The following SNX29 variants were observed in gnomAD, a reference collection of about 807,000 sequenced individuals.
The protein encoded by SNX29 is sorting nexin 29.
SNX29 carries 78 observed loss-of-function variants against 102.1 expected under a neutral mutation model. The ratio of observed to expected loss-of-function variants is 0.76; its 90% CI spans 0.64 to 0.92. SNX29 has a LOEUF of 0.92. Ranked by LOEUF, SNX29 falls within the 40% of genes least tolerant of loss-of-function variation. The pLI is 0.00. For missense variants in SNX29, 1,280 were observed against 1,061.7 expected (o/e 1.21, Z -2.86); for synonymous variants, 580 against 414.5 (o/e 1.40, Z -4.85).
At chr16:12,563,458 C>T (rs558285539) in intron 20 of SNX29, among the ~76,000 whole-genome samples, 60 of 152,288 alleles carry the variant, frequency 3.9e-4, no homozygotes, top group Non-Finnish European at 7.1e-4. Context: ...TTTAGGAAAC[C>T]TAATAGGGTA....
At chr16:12,389,960 A>G (rs554552895) in intron 16 of SNX29, among the ~76,000 whole-genome samples, 5 of 152,344 alleles carry the variant, frequency 3.3e-5, no homozygotes, top group African/African-American at 1.2e-4. Flanking sequence ...TCATTGCAGT[A>G]GGTCTGAGTG....
rs35339898 is a variant in SNX29, at chr16:12,570,919, T to TGGA, written c.*2291_*2292insGAG. ...AAAAAACCTGGTCTGCTCTCCAAAA[T>TGGA]GAGAGCATGTTCCTGGGAGCCACAT... is the stretch of plus-strand genomic sequence containing the variant. On this transcript the variant is annotated 3_prime_UTR_variant, in exon 21 of 21. Coordinates refer to ENST00000566228, the MANE Select transcript of SNX29 (RefSeq NM_032167.5). 4.3e-6 allele frequency: 1 copy of TGGA among 231,644 alleles called. No homozygotes were observed. Among genetic ancestry groups the TGGA allele is most frequent in the Non-Finnish European group, 8.5e-6 (1 of 117,240 alleles). 14.3% of individuals were successfully genotyped at this position (231,644 alleles called of 1,614,324 possible).
chr16:12,548,423 C>T (rs926726814), intron 20 of SNX29, among the ~76,000 whole-genome samples: 1 of 152,232 alleles, frequency 6.6e-6, no homozygotes, highest in Non-Finnish European at 1.5e-5. Flanking sequence ...TGGCTCCCCA[C>T]TGTGCCACAT....
intron 14 of SNX29, among the ~76,000 whole-genome samples, chr16:12,205,920 A>G (rs982097793): frequency 6.6e-6 from 1 of 152,250 alleles, no homozygotes; most frequent in African/African-American, 2.4e-5. Flanking sequence ...ATAAATGAAT[A>G]TAAATAAAAT....
chr16:12,141,485 G>C (rs878956280), intron 13 of SNX29, among the ~76,000 whole-genome samples: 1 of 152,194 alleles, frequency 6.6e-6, no homozygotes. Context: ...GCAAAAGAAG[G>C]GCTACTCCGC....
At chr16:12,374,164 G>A (rs913372759) in intron 16 of SNX29, among the ~76,000 whole-genome samples, 2 of 152,224 alleles carry the variant, frequency 1.3e-5, no homozygotes, top group Admixed American at 6.5e-5. Flanking sequence ...ATCCAGTTTG[G>A]ATGACACTTC....
At chr16:12,219,972 C>A (rs1322069554) in intron 14 of SNX29, among the ~76,000 whole-genome samples, 1 of 152,238 alleles carries the variant, frequency 6.6e-6, no homozygotes, top group Non-Finnish European at 1.5e-5. Context: ...CCCACCGGTA[C>A]CTGTCCCGGC....
intron 5 of SNX29, among the ~76,000 whole-genome samples, chr16:12,044,913 G>C (rs1246108045): frequency 6.6e-6 from 1 of 152,120 alleles, no homozygotes; most frequent in African/African-American, 2.4e-5. Context: ...TTTCTGTGAA[G>C]CTCCTTCCAG....
At chr16:12,291,511 G>A (rs1022701597) in intron 15 of SNX29, among the ~76,000 whole-genome samples, 1 of 152,148 alleles carries the variant, frequency 6.6e-6, no homozygotes. Context: ...ATTTGGGTGG[G>A]GACAAAGGCA....
intron 3 of SNX29, among the ~76,000 whole-genome samples, chr16:12,012,017 A>G (rs1448175316): frequency 6.6e-6 from 1 of 152,130 alleles, no homozygotes; most frequent in Admixed American, 6.6e-5. Context: ...GGTTGGAGGG[A>G]TTGCCTCATT....
intron 16 of SNX29, among the ~76,000 whole-genome samples, chr16:12,359,863 G>A (rs764647853): frequency 1.4e-4 from 21 of 151,916 alleles, no homozygotes; most frequent in African/African-American, 3.4e-4. Context: ...ATGCTGTATC[G>A]CCCAGGCTGG....
intron 15 of SNX29, among the ~76,000 whole-genome samples, chr16:12,329,988 A>G (rs2081247525): frequency 6.6e-6 from 1 of 152,176 alleles, no homozygotes; most frequent in African/African-American, 2.4e-5. Flanking sequence ...TGCGTCTGAG[A>G]CACTATCCTG....
intron 18 of SNX29, among the ~76,000 whole-genome samples, chr16:12,473,200 T>A (rs1454742865): frequency 6.6e-6 from 1 of 152,244 alleles, no homozygotes; most frequent in Non-Finnish European, 1.5e-5. Context: ...TATATGTAAT[T>A]CAAGGACAAC....
At chr16:12,260,721 G>T (rs1219660081) in intron 14 of SNX29, among the ~76,000 whole-genome samples, 1 of 151,602 alleles carries the variant, frequency 6.6e-6, no homozygotes, top group Admixed American at 6.6e-5. Flanking sequence ...GTGAGTGAGT[G>T]TTGAGCTCAG....
chr16:12,216,437 T>C (rs1373408719), intron 14 of SNX29, among the ~76,000 whole-genome samples: 1 of 152,102 alleles, frequency 6.6e-6, no homozygotes, highest in Non-Finnish European at 1.5e-5. Context: ...GAAGGTACAA[T>C]GTGAGTGTAC....
chr16:12,282,298 C>T (rs1252823055), intron 15 of SNX29, among the ~76,000 whole-genome samples: 2 of 152,102 alleles, frequency 1.3e-5, no homozygotes, highest in African/African-American at 4.8e-5. Flanking sequence ...ACAGCAACTG[C>T]AGCAATATCA....
At chr16:12,236,169 C>T (rs1267372705) in intron 14 of SNX29, among the ~76,000 whole-genome samples, 1 of 152,134 alleles carries the variant, frequency 6.6e-6, no homozygotes. Flanking sequence ...TAAATCTCAT[C>T]AAATACCCAT....
At chr16:12,113,370 C>G (rs1315484034) in intron 11 of SNX29, among the ~76,000 whole-genome samples, 1 of 152,134 alleles carries the variant, frequency 6.6e-6, no homozygotes, top group Non-Finnish European at 1.5e-5. Context: ...AACCTGGCCC[C>G]TCCTGACTAC....
chr16:12,238,309 T>G (rs1167790324), intron 14 of SNX29, among the ~76,000 whole-genome samples: 1 of 151,754 alleles, frequency 6.6e-6, no homozygotes, highest in Non-Finnish European at 1.5e-5. Context: ...GGCACTTTTT[T>G]TTTTTTTTTT....
Sources: gnomAD v4.1 joint callset for allele counts (sites outside exome capture counted in the v4.1 genomes callset) on GRCh38, gnomAD v4.1.1 for gene constraint, MANE v1.5 for transcripts, NCBI Gene and HGNC (gene_info 2026-07-23, HGNC 2026-07-21) for gene names.